ADNP: variants seen among roughly 807,000 people sequenced by gnomAD.
ADNP encodes the protein activity-dependent neuroprotector homeobox protein.
A neutral mutation model predicts 84.9 loss-of-function variants in ADNP; 4 were observed. The ratio of observed to expected loss-of-function variants is 0.05; its 90% CI spans 0.02 to 0.11. The LOEUF (loss-of-function observed/expected upper bound fraction) is 0.11, where lower values mean the gene tolerates loss of function less well. Ranked by LOEUF, ADNP falls within the 10% of genes least tolerant of loss-of-function variation. ADNP has a pLI of 1.00. For synonymous variants in ADNP, 554 were observed against 468.1 expected (o/e 1.18, Z -2.37); for missense variants, 1,132 against 1,326.0 (o/e 0.85, Z 2.27).
Position 50,919,287 on chromosome 20 carries a change from A to ACAT in ADNP, c.-90+9363_-90+9364insATG, listed in dbSNP as rs776823194. Among the ~76,000 whole-genome samples the ACAT allele has an allele frequency of 7.4e-3, 943 of 128,044 alleles. 48 individuals are homozygous for ACAT. Among genetic ancestry groups the ACAT allele is most frequent in the African/African-American group, 0.028 (754 of 26,814 alleles). The allele number at this position is 128,044 out of a possible 152,430, so 84.0% of individuals were successfully genotyped here. On this transcript the variant is annotated intron_variant, in intron 2 of 5. Transcript: ENST00000621696. ...CCAGCCTGAAAAAATACATATATTT[A>ACAT]AGTGTATATATATATATATATATAT...
intron 2 of ADNP, among the ~76,000 whole-genome samples, chr20:50,910,834 A>G (rs78860779): frequency 0.091 from 13,859 of 152,010 alleles, 682 homozygotes; most frequent in African/African-American, 0.13. Flanking sequence ...TTTTAAAAAA[A>G]TTTAATAGGG....
rs1313079705 is a variant in ADNP, at chr20:50,909,590, TGG to T, written c.-89-4743_-89-4742del. 2.0e-5 allele frequency: 3 copies of T among 152,302 alleles called. 1 individual carries two copies. Among genetic ancestry groups the T allele is most frequent in the Admixed American group, 2.0e-4 (3 of 15,280 alleles). The allele number at this position is 152,302 out of a possible 1,614,324, so 9.4% of individuals were successfully genotyped here. On this transcript the variant is annotated intron_variant, in intron 2 of 5. Transcript: ENST00000621696. ...TAGGAATAGAGAGATGAGTAAGACATGGTTCTTCTTCCCCTTCAACAGTCCAT... is the reference window on the plus strand; with the variant it reads ...TAGGAATAGAGAGATGAGTAAGACATTTCTTCTTCCCCTTCAACAGTCCAT...
rs1980967168 is a variant in ADNP, at chr20:50,893,038, T to A, written c.1676A>T (p.His559Leu). The change falls in exon 6 of 6, where the codon CAC becomes CTC. Residue 559 changes from histidine (H) to leucine (L), a missense_variant. This residue lies in a region of ADNP where 87 missense variants were observed against 181.4 expected (regional missense o/e 0.48). Coordinates refer to ENST00000621696, the MANE Select transcript of ADNP (RefSeq NM_001282531.3). The surrounding 1 kb of genome is among the most constrained non-coding windows in gnomAD (Gnocchi z 4.4). ...SFDLTLQQGS[H>L]TNIHLLVTTY... Reference sequence around the variant, plus strand: ...AGTTACCAGGAGATGGATGTTAGTGTGACTACCCTGCTGCAATGTCAAATC... The same window carrying A: ...AGTTACCAGGAGATGGATGTTAGTGAGACTACCCTGCTGCAATGTCAAATC... 6.2e-7 allele frequency: 1 copy of A among 1,614,100 alleles called. No individual in the cohort carries two copies. The highest frequency in any genetic ancestry group is 1.3e-5 in the African/African-American group (1 of 74,924).
At chr20:50,915,577 G>T (rs1015609668) in intron 2 of ADNP, among the ~76,000 whole-genome samples, 1 of 152,042 alleles carries the variant, frequency 6.6e-6, no homozygotes, top group Non-Finnish European at 1.5e-5. Context: ...CCAGATGCCG[G>T]AAACTCTTCA....
rs776823194 is a variant in ADNP at position 50,919,287 on chromosome 20, A to ACATATATATATATATATATAT, written c.-90+9363_-90+9364insATATATATATATATATATATG. 6.0e-4 allele frequency among the ~76,000 whole-genome samples: 77 copies of ACATATATATATATATATATAT among 128,044 alleles called. 2 individuals carry two copies. The highest frequency in any genetic ancestry group is 1.8e-3 in the East Asian group (8 of 4,460). The allele number at this position is 128,044 out of a possible 152,430, so 84.0% of individuals were successfully genotyped here. On this transcript the variant is annotated intron_variant, in intron 2 of 5. Transcript: ENST00000621696. ...CCAGCCTGAAAAAATACATATATTT[A>ACATATATATATATATATATAT]AGTGTATATATATATATATATATAT...
intron 2 of ADNP, among the ~76,000 whole-genome samples, chr20:50,914,628 T>G (rs925991416): frequency 1.3e-5 from 2 of 152,220 alleles, no homozygotes; most frequent in African/African-American, 4.8e-5. Context: ...TCTTGTATAC[T>G]GAATTTCGGC....
chr20:50,894,578 C>T, intron 5 of ADNP, 66 bp from the exon 6 acceptor site: 1 of 1,475,798 alleles, frequency 6.8e-7, no homozygotes, highest in Admixed American at 2.3e-5. Context: ...GATTCCAGAT[C>T]CCCCCCGGAT....
chr20:50,913,250 C>CAAAAAAAAAAAAAAAAAAAAAAA lies in ADNP; in HGVS notation c.-89-8424_-89-8402dup, dbSNP rs56911332. On this transcript the variant is annotated intron_variant, in intron 2 of 5. Transcript: ENST00000621696. The stretch of plus-strand genomic sequence containing the variant: ...CCTGGGCAAGAGTGAGACTCTGTCT[C>CAAAAAAAAAAAAAAAAAAAAAAA]AAAAAAAAAAAAAAAAAAAAAAAAA... 2.1e-4 allele frequency among the ~76,000 whole-genome samples: 9 copies of CAAAAAAAAAAAAAAAAAAAAAAA among 42,902 alleles called. 1 individual carries two copies. The highest frequency in any genetic ancestry group is 4.8e-4 in the African/African-American group (6 of 12,496). The allele number at this position is 42,902 out of a possible 152,430, so 28.1% of individuals were successfully genotyped here. A position where few individuals can be genotyped will look rare whatever the true frequency, so the allele number is the denominator to read the frequency against.
intron 5 of ADNP, among the ~76,000 whole-genome samples, chr20:50,898,104 C>T (rs889994918): frequency 2.0e-5 from 3 of 152,182 alleles, no homozygotes; most frequent in African/African-American, 7.2e-5. Flanking sequence ...GATCAAAGTC[C>T]TTTCAGGCAT....
At chr20:50,896,975 CTT>C (rs889418366) in intron 5 of ADNP, among the ~76,000 whole-genome samples, 22 of 152,236 alleles carry the variant, frequency 1.4e-4, no homozygotes, top group Middle Eastern at 6.8e-3. Flanking sequence ...TTTTTTTGCT[CTT>C]GTCACCCAAG....
intron 2 of ADNP, among the ~76,000 whole-genome samples, chr20:50,920,262 CAAAAA>C (rs56181933): frequency 2.6e-4 from 17 of 64,552 alleles, no homozygotes; most frequent in African/African-American, 9.0e-4. Context: ...ATTCCACCTC[CAAAAA>C]AAAAAAAAAA....
At chr20:50,916,670 G>GT (rs1983533546) in intron 2 of ADNP, among the ~76,000 whole-genome samples, 1 of 152,156 alleles carries the variant, frequency 6.6e-6, no homozygotes, top group Non-Finnish European at 1.5e-5. Context: ...AAATACATTT[G>GT]TGTCAGTGGC....
rs773678139 is a variant in ADNP, at chr20:50,894,260, G to A, written c.454C>T (p.Leu152Phe). ...ACACTGTCAGCCTGCTTAGGTTTAAGGCCATCATTTTTGTTTTTATCTTTG... is the reference window on the plus strand; with the variant it reads ...ACACTGTCAGCCTGCTTAGGTTTAAAGCCATCATTTTTGTTTTTATCTTTG... ...TFKDKNKNDG[L>F]KPKQADSVEQ... The change falls in exon 6 of 6, where the codon CTT becomes TTT. Residue 152 changes from leucine (L) to phenylalanine (F), a missense_variant. Leu to Phe is a conservative substitution (Grantham distance 22, BLOSUM62 0). Coordinates refer to ENST00000621696, the MANE Select transcript of ADNP (RefSeq NM_001282531.3). 1.2e-6 allele frequency: 2 copies of A among 1,613,990 alleles called. No individual in the cohort carries two copies. The highest frequency in any genetic ancestry group is 2.2e-5 in the South Asian group (2 of 91,052).
chr20:50,908,550 G>A (rs1279518791), intron 2 of ADNP, among the ~76,000 whole-genome samples: 1 of 152,112 alleles, frequency 6.6e-6, no homozygotes, highest in Non-Finnish European at 1.5e-5. Flanking sequence ...CAAGGCGGGC[G>A]AGTCACGAGG....
In ADNP at chr20:50,891,319, G is replaced by A. The variant is rs1165496506; in HGVS notation, c.*86C>T. ...CAGTCCAACCAGTACTCACAAGGCA[G>A]TACCAGTGAGAAGACAGCTTTGCAG... On this transcript the variant is annotated 3_prime_UTR_variant, in exon 6 of 6. Transcript: ENST00000621696. The A allele has an allele frequency of 2.7e-6, 4 of 1,463,210 alleles. No homozygotes were observed. Among genetic ancestry groups the A allele is most frequent in the Non-Finnish European group, 3.6e-6 (4 of 1,114,880 alleles). The allele number at this position is 1,463,210 out of a possible 1,614,324, so 90.6% of individuals were successfully genotyped here.
chr20:50,925,756 A>G (rs745745928), intron 2 of ADNP, among the ~76,000 whole-genome samples: 7 of 152,252 alleles, frequency 4.6e-5, no homozygotes, highest in African/African-American at 1.4e-4. Flanking sequence ...GCAGTGAGGT[A>G]CATCAGCAAA....
rs1437288686 is a variant in ADNP at position 50,891,154 on chromosome 20, G to GT, written c.*250dup. 4.2e-5 allele frequency: 53 copies of GT among 1,265,584 alleles called. No homozygotes were observed. The highest frequency in any genetic ancestry group is 5.2e-5 in the Non-Finnish European group (52 of 1,007,610). 78.4% of individuals were successfully genotyped at this position (1,265,584 alleles called of 1,614,324 possible). A position where few individuals can be genotyped will look rare whatever the true frequency, so the allele number is the denominator to read the frequency against. ...ATAAAATAAACCTCTGCTTTTCCTC[G>GT]TGTGTATTCATGAGTCACCAGCTTA... On this transcript the variant is annotated 3_prime_UTR_variant, in exon 6 of 6. Transcript: ENST00000621696.
At position 50,891,115 on chromosome 20, in the gene ADNP, T is replaced by C. The variant is rs1980653167; in HGVS notation, c.*290A>G. 8 of 1,187,346 alleles carry C rather than the reference T, an allele frequency of 6.7e-6. No homozygotes were observed. The highest frequency in any genetic ancestry group is 8.3e-6 in the Non-Finnish European group (8 of 959,022). The allele number at this position is 1,187,346 out of a possible 1,614,324, so 73.6% of individuals were successfully genotyped here. A position where few individuals can be genotyped will look rare whatever the true frequency, so the allele number is the denominator to read the frequency against. ...CAATCATTTCACAGAGGGAAAGAAA[T>C]GTTGAAAAGGCAGATAAAATAAACC... On this transcript the variant is annotated 3_prime_UTR_variant, in exon 6 of 6. Transcript: ENST00000621696.
At chr20:50,917,625 A>C (rs1202348404) in intron 2 of ADNP, among the ~76,000 whole-genome samples, 1 of 152,096 alleles carries the variant, frequency 6.6e-6, no homozygotes, top group African/African-American at 2.4e-5. Context: ...CCTTTTTTTC[A>C]AAGGAGGGAG....
Sources: gnomAD v4.1 joint callset for allele counts (sites outside exome capture counted in the v4.1 genomes callset) on GRCh38, gnomAD v4.1.1 for gene constraint, gnomAD v4.1.1 regional missense constraint, Gnocchi (gnomAD v3.1) non-coding constraint, MANE v1.5 for transcripts, NCBI Gene and HGNC (gene_info 2026-07-23, HGNC 2026-07-21) for gene names.